The following PAPSS1 variants were observed in gnomAD, a reference collection of about 807,000 sequenced individuals.
The protein encoded by PAPSS1 is 3'-phosphoadenosine 5'-phosphosulfate synthase 1, also known as bifunctional 3'-phosphoadenosine 5'-phosphosulfate synthase 1.
PAPSS1 carries 50 observed loss-of-function variants against 72.0 expected under a neutral mutation model. The ratio of observed to expected loss-of-function variants is 0.69; its 90% CI spans 0.55 to 0.88. The LOEUF (loss-of-function observed/expected upper bound fraction) is 0.88. Among genes scored for constraint, PAPSS1 ranks in the 40% least tolerant of loss-of-function variants. The pLI is 0.00. For missense variants in PAPSS1, 657 were observed against 782.2 expected (o/e 0.84, Z 1.91); for synonymous variants, 261 against 263.6 (o/e 0.99, Z 0.09).
chr4:107,694,030 A>C, intron 2 of PAPSS1, 24 bp from the exon 3 acceptor site: 1 of 1,489,284 alleles, frequency 6.7e-7, no homozygotes. Context: ...GTCCAAACAG[A>C]TTCCATGTGT....
intron 5 of PAPSS1, among the ~76,000 whole-genome samples, chr4:107,663,252 A>G (rs1489592899): frequency 6.6e-6 from 1 of 152,166 alleles, no homozygotes; most frequent in Non-Finnish European, 1.5e-5. Context: ...GTTATTTCCA[A>G]TGTTCTTATC....
chr4:107,716,168 T>C (rs1723634652), intron 1 of PAPSS1, among the ~76,000 whole-genome samples: 1 of 151,778 alleles, frequency 6.6e-6, no homozygotes, highest in South Asian at 2.1e-4. Flanking sequence ...TAATGAAGTA[T>C]GATCACAAGA....
In PAPSS1 at chr4:107,653,520, A is replaced by C. The variant is rs751507503; in HGVS notation, c.1208T>G (p.Leu403Arg). 5.8e-5 allele frequency: 93 copies of C among 1,612,030 alleles called. No individual in the cohort carries two copies. The highest frequency in any genetic ancestry group is 7.7e-5 in the Non-Finnish European group (91 of 1,179,088). ...ATTCATATCTTTAAATTTCTGCTTT[A>C]GCTCAGTAGGAGTAAGACGATACTG... ...LDQYRLTPTE[L>R]KQKFKDMNAD... is the part of the protein sequence containing the mutation. Residue 403 changes from leucine to arginine, a missense_variant, in exon 9 of 12, where the codon CTA becomes CGA. By Grantham distance (102) the Leu-to-Arg change is moderately radical. Transcript: ENST00000265174.
In PAPSS1 at chr4:107,686,934, C is replaced by A. The variant is rs1056082605; in HGVS notation, c.550+105G>T. ...AAGACTACATTCTCTCCTCAAGGAG[C>A]TCCAAGTCACTCTAACACTTCCAAT... On this transcript the variant is annotated intron_variant, in intron 4 of 11. Transcript: ENST00000265174. The A allele has an allele frequency of 3.1e-5, 28 of 906,156 alleles. No homozygotes were observed. In the African/African-American group the frequency reaches 5.1e-4, roughly 16 times the overall value. The allele number at this position is 906,156 out of a possible 1,614,324, so 56.1% of individuals were successfully genotyped here.
chr4:107,678,166 C>T (rs1727709792), intron 5 of PAPSS1, among the ~76,000 whole-genome samples: 1 of 151,324 alleles, frequency 6.6e-6, no homozygotes, highest in Non-Finnish European at 1.5e-5. Context: ...TGCACATGTA[C>T]CCTAAAACTT....
chr4:107,661,683 C>CA (rs1344774790), intron 5 of PAPSS1, among the ~76,000 whole-genome samples: 5 of 151,998 alleles, frequency 3.3e-5, no homozygotes, highest in Non-Finnish European at 2.9e-5. Flanking sequence ...TACAAAACAA[C>CA]AAAAAATGTA....
intron 10 of PAPSS1, among the ~76,000 whole-genome samples, chr4:107,644,283 C>T (rs1411750627): frequency 6.6e-6 from 1 of 152,162 alleles, no homozygotes; most frequent in Non-Finnish European, 1.5e-5. Flanking sequence ...TAAAACCTAG[C>T]AGATCTTCCC....
intron 10 of PAPSS1, among the ~76,000 whole-genome samples, chr4:107,641,338 T>TA (rs1726537272): frequency 6.6e-6 from 1 of 152,232 alleles, no homozygotes; most frequent in Admixed American, 6.5e-5. Context: ...TTCCTCTCAG[T>TA]AATTTTCCAT....
Position 107,613,950 on chromosome 4 carries a change from A to G in PAPSS1, c.*299T>C. 4.8e-6 allele frequency: 1 copy of G among 207,152 alleles called. No individual in the cohort carries two copies. The highest frequency in any genetic ancestry group is 9.5e-6 in the Non-Finnish European group (1 of 105,322). The allele number at this position is 207,152 out of a possible 1,614,324, so 12.8% of individuals were successfully genotyped here. A position where few individuals can be genotyped will look rare whatever the true frequency, so the allele number is the denominator to read the frequency against. The stretch of plus-strand genomic sequence containing the variant: ...GTGAATACTACTGGTTACAACTAAT[A>G]TAACAGCTTGAAAAAATCATGACAC... On this transcript the variant is annotated 3_prime_UTR_variant, in exon 12 of 12. Coordinates refer to ENST00000265174, the MANE Select transcript of PAPSS1 (RefSeq NM_005443.5).
chr4:107,621,513 C>T (rs909554102), intron 11 of PAPSS1, among the ~76,000 whole-genome samples: 1 of 150,788 alleles, frequency 6.6e-6, no homozygotes, highest in Non-Finnish European at 1.5e-5. Context: ...GGGGCACTTA[C>T]TCCATTTACC....
intron 9 of PAPSS1, among the ~76,000 whole-genome samples, chr4:107,648,928 A>G (rs1002809077): frequency 7.9e-5 from 12 of 152,218 alleles, no homozygotes; most frequent in Non-Finnish European, 4.4e-5. Context: ...GGGCCCCTTG[A>G]ACAAATATAA....
In PAPSS1 at chr4:107,614,043, G is replaced by T; in HGVS notation, c.*206C>A. The T allele has an allele frequency of 2.5e-6, 1 of 395,786 alleles. No individual in the cohort carries two copies. Among genetic ancestry groups the T allele is most frequent in the Non-Finnish European group, 4.5e-6 (1 of 222,646 alleles). The allele number at this position is 395,786 out of a possible 1,614,324, so 24.5% of individuals were successfully genotyped here. On this transcript the variant is annotated 3_prime_UTR_variant, in exon 12 of 12. Transcript: ENST00000265174. ...TTGTAGGAATATAACTATAATAAGT[G>T]GAAAAGATACATTAAAACCATCAGT...
At chr4:107,678,057 G>A (rs1297833309) in intron 5 of PAPSS1, among the ~76,000 whole-genome samples, 2 of 151,946 alleles carry the variant, frequency 1.3e-5, no homozygotes, top group South Asian at 2.1e-4. Context: ...GAGTGGGGAG[G>A]GATAGCATTA....
chr4:107,669,424 A>G (rs1042885981), intron 5 of PAPSS1, among the ~76,000 whole-genome samples: 1 of 152,232 alleles, frequency 6.6e-6, no homozygotes, highest in Admixed American at 6.5e-5. Context: ...GTATAAAAGA[A>G]GAGAAATAAA....
chr4:107,719,940 G>A, intron 1 of PAPSS1, 180 bp downstream of exon 1: 1 of 1,381,760 alleles, frequency 7.2e-7, no homozygotes, highest in Non-Finnish European at 9.3e-7. Flanking sequence ...ACCCTGCGCC[G>A]CGCCCCTCTG....
At chr4:107,637,883 CAT>C (rs1726431661) in intron 10 of PAPSS1, among the ~76,000 whole-genome samples, 1 of 152,192 alleles carries the variant, frequency 6.6e-6, no homozygotes, top group African/African-American at 2.4e-5. Flanking sequence ...TAATTAATCT[CAT>C]GAGTTCCATA....
At chr4:107,628,420 A>G (rs1726152190) in intron 11 of PAPSS1, among the ~76,000 whole-genome samples, 1 of 152,176 alleles carries the variant, frequency 6.6e-6, no homozygotes. Flanking sequence ...CCCCACTATT[A>G]CAAAATGAGC....
intron 11 of PAPSS1, among the ~76,000 whole-genome samples, chr4:107,624,625 CAT>C (rs1158699629): frequency 6.6e-6 from 1 of 152,024 alleles, no homozygotes; most frequent in Non-Finnish European, 1.5e-5. Flanking sequence ...CAAAAATATA[CAT>C]AGTTATACTA....
intron 3 of PAPSS1, among the ~76,000 whole-genome samples, chr4:107,688,908 T>C (rs1465042594): frequency 6.6e-6 from 1 of 152,184 alleles, no homozygotes; most frequent in African/African-American, 2.4e-5. Flanking sequence ...CATTCTCTCA[T>C]ATGCTTCCCA....
Sources: allele counts gnomAD v4.1 joint callset (sites outside exome capture counted in the v4.1 genomes callset), GRCh38; gene constraint gnomAD v4.1.1; transcripts MANE v1.5; gene names NCBI Gene and HGNC (gene_info 2026-07-23, HGNC 2026-07-21).